Variants in DNAH17 observed in about 807,000 individuals in gnomAD.
DNAH17 encodes the protein axonemal beta dynein heavy chain 17.
DNAH17 carries 376 observed loss-of-function variants against 485.6 expected under a neutral mutation model. The ratio of observed to expected loss-of-function variants is 0.77; its 90% CI spans 0.71 to 0.84. The LOEUF (loss-of-function observed/expected upper bound fraction) is 0.84. Ranked by LOEUF, DNAH17 falls within the 40% of genes least tolerant of loss-of-function variation. The probability of loss-of-function intolerance (pLI) is 0.00; values close to 1 mark genes in which losing one functional copy is unlikely to be tolerated. For synonymous variants in DNAH17, 3,031 were observed against 2,405.9 expected (o/e 1.26, Z -7.60); for missense variants, 6,370 against 5,839.3 (o/e 1.09, Z -2.96).
In DNAH17 at chr17:78,486,246, C is replaced by T; in HGVS notation, c.7079G>A (p.Gly2360Asp). 1 of 1,592,124 alleles carries T rather than the reference C, an allele frequency of 6.3e-7. No homozygotes were observed. Residue 2360 changes from glycine (G) to aspartate (D), a missense_variant, in exon 45 of 81, where the codon GGT becomes GAT. Transcript: ENST00000389840. ...YFVFTCFWAF[G>D]GAMFQDQLVD... ...CACCTGGTCCTGGAACATGGCGCCACCGAAGGCCCAGAAGCAGGTGAACAC... is the reference window on the plus strand; with the variant it reads ...CACCTGGTCCTGGAACATGGCGCCATCGAAGGCCCAGAAGCAGGTGAACAC...
In DNAH17 at chr17:78,574,842, G is replaced by A. The variant is rs61745225; in HGVS notation, c.216C>T (p.Leu72=). The A allele has an allele frequency of 0.012, 19,775 of 1,613,970 alleles. 1,841 individuals are homozygous for A. The African/African-American group carries it at 0.21, about 17-fold the overall frequency. The stretch of plus-strand genomic sequence containing the variant: ...TGATGAAGTAAACCCCTTTGGACTT[G>A]AGGGACTGGGGGAAGCCCAGGCAGG... The part of the protein sequence containing the change: ...IIPCLGFPQS[L]KSKGVYFIKT... Residue 72 remains leucine, a synonymous_variant, in exon 2 of 81, where the codon CTC becomes CTT. Transcript: ENST00000389840.
chr17:78,560,650 A>C, intron 13 of DNAH17, 90 bp downstream of exon 13: 2 of 1,327,258 alleles, frequency 1.5e-6, no homozygotes, highest in Non-Finnish European at 2.0e-6. Context: ...ATAAACATCG[A>C]CCTCCATAAA....
chr17:78,444,294 G>A (rs1258473634), intron 71 of DNAH17, among the ~76,000 whole-genome samples: 1 of 152,052 alleles, frequency 6.6e-6, no homozygotes, highest in African/African-American at 2.4e-5. Context: ...TGTATCGCAG[G>A]GCACCCCTCC....
chr17:78,425,248 C>T, intron 80 of DNAH17, 98 bp downstream of exon 80: 3 of 1,276,438 alleles, frequency 2.4e-6, no homozygotes, highest in Non-Finnish European at 2.2e-6. Flanking sequence ...CCCCACAGCT[C>T]TTGAACAGCC....
chr17:78,569,777 G>A (rs1318834085), intron 7 of DNAH17, among the ~76,000 whole-genome samples: 2 of 152,326 alleles, frequency 1.3e-5, no homozygotes, highest in Non-Finnish European at 2.9e-5. Context: ...CCAGGGACAG[G>A]GGACCCCGGT....
chr17:78,565,251 T>G (rs74718528), intron 11 of DNAH17, among the ~76,000 whole-genome samples: 2,840 of 152,346 alleles, frequency 0.019, 98 homozygotes, highest in African/African-American at 0.064. Context: ...CAAGTCAGCC[T>G]CATCTTGCTT....
At chr17:78,530,278 G>A (rs1161945919) in intron 21 of DNAH17, 65 bp downstream of exon 21, 7 of 1,485,364 alleles carry the variant, frequency 4.7e-6, no homozygotes, top group Non-Finnish European at 6.3e-6. Flanking sequence ...CCACTCAAGT[G>A]GAAGGCCACT....
intron 75 of DNAH17, 76 bp downstream of exon 75, chr17:78,433,953 G>A (rs1598441981): frequency 1.6e-6 from 2 of 1,265,190 alleles, no homozygotes; most frequent in Non-Finnish European, 2.2e-6. Flanking sequence ...GGGAGGGAAG[G>A]AGGGAGGGAA....
chr17:78,465,485 G>A (rs949317788), intron 56 of DNAH17, among the ~76,000 whole-genome samples: 2 of 109,162 alleles, frequency 1.8e-5, no homozygotes, highest in Admixed American at 1.0e-4. Context: ...AGGAAGTGAG[G>A]AACACCTCTT....
At chr17:78,488,344 C>T (rs2089703917) in intron 44 of DNAH17, among the ~76,000 whole-genome samples, 1 of 152,180 alleles carries the variant, frequency 6.6e-6, no homozygotes, top group Admixed American at 6.5e-5. Context: ...GTCTGGGGAC[C>T]CTGTGTCTGC....
At chr17:78,444,867 T>C in intron 70 of DNAH17, 70 bp from the exon 71 acceptor site, 1 of 1,420,568 alleles carries the variant, frequency 7.0e-7, no homozygotes, top group African/African-American at 1.5e-5. Context: ...TCCTGTACAG[T>C]TCATTCAAGG....
intron 16 of DNAH17, among the ~76,000 whole-genome samples, chr17:78,547,228 G>T (rs1012856783): frequency 2.6e-5 from 4 of 152,060 alleles, no homozygotes; most frequent in Non-Finnish European, 4.4e-5. Flanking sequence ...TGGTATCCTG[G>T]AATACATCCT....
chr17:78,465,379 G>A lies in DNAH17; in HGVS notation c.8940+1276C>T, dbSNP rs1251605005. Among the ~76,000 whole-genome samples, 4 of 151,376 alleles carry A rather than the reference G, an allele frequency of 2.6e-5. No individual in the cohort carries two copies. The South Asian group carries it at 6.3e-4, about 24-fold the overall frequency. ...CGTCTGGGAAGTGAGGAGCGTCTCT[G>A]CCTGGCCGCCCATCATCTGGGATGT... On this transcript the variant is annotated intron_variant, in intron 56 of 80. Transcript: ENST00000389840.
At chr17:78,440,158 C>T (rs1343126432) in intron 72 of DNAH17, among the ~76,000 whole-genome samples, 3 of 149,814 alleles carry the variant, frequency 2.0e-5, no homozygotes, top group African/African-American at 7.4e-5. Flanking sequence ...TGATCTTGAA[C>T]TCCAGGGCTC....
At chr17:78,510,853 G>C (rs1171191931) in intron 26 of DNAH17, among the ~76,000 whole-genome samples, 1 of 152,010 alleles carries the variant, frequency 6.6e-6, no homozygotes, top group Non-Finnish European at 1.5e-5. Context: ...GTTCATCCTG[G>C]ATTTTCCGGT....
intron 75 of DNAH17, among the ~76,000 whole-genome samples, chr17:78,433,792 G>A (rs971807373): frequency 5.9e-5 from 9 of 152,154 alleles, no homozygotes; most frequent in African/African-American, 2.2e-4. Context: ...TGGGGGCAAA[G>A]GACTGGACCA....
chr17:78,546,170 C>G (rs11653566), intron 16 of DNAH17, among the ~76,000 whole-genome samples: 30,183 of 152,100 alleles, frequency 0.2, 4,005 homozygotes, highest in Non-Finnish European at 0.28. Flanking sequence ...AAGCAATACT[C>G]CTGCTTGGGC....
At chr17:78,427,174 G>A (rs1478422875) in intron 77 of DNAH17, 66 bp from the exon 78 acceptor site, 1 of 1,504,462 alleles carries the variant, frequency 6.6e-7, no homozygotes, top group Non-Finnish European at 9.0e-7. Flanking sequence ...TGCAGGGTCA[G>A]GGAGCCTGCC....
chr17:78,472,336 G>GA (rs1377685954), intron 54 of DNAH17, among the ~76,000 whole-genome samples: 2 of 142,216 alleles, frequency 1.4e-5, no homozygotes, highest in African/African-American at 6.1e-5. Context: ...ATGGGGGTGC[G>GA]AGGATTAGGG....
Sources: gnomAD v4.1 joint callset for allele counts (sites outside exome capture counted in the v4.1 genomes callset) on GRCh38, gnomAD v4.1.1 for gene constraint, MANE v1.5 for transcripts, NCBI Gene and HGNC (gene_info 2026-07-23, HGNC 2026-07-21) for gene names.